The following DENND6B variants were observed in gnomAD, a reference collection of about 807,000 sequenced individuals.
DENND6B encodes protein DENND6B.
Under a neutral mutation model 85.1 loss-of-function variants are expected in DENND6B, and 73 were observed. The observed-to-expected ratio is 0.86, with a 90% confidence interval of 0.71 to 1.04. The LOEUF (loss-of-function observed/expected upper bound fraction) is 1.04, where lower values mean the gene tolerates loss of function less well. Among genes scored for constraint, DENND6B ranks in the 50% least tolerant of loss-of-function variants. The pLI, the probability that DENND6B is intolerant of heterozygous loss-of-function variation, is 0.00. For synonymous variants in DENND6B, 357 were observed against 329.3 expected (o/e 1.08, Z -0.91); for missense variants, 715 against 785.8 (o/e 0.91, Z 1.08).
In DENND6B at chr22:50,326,992, G is replaced by A; in HGVS notation, c.-4C>T. On this transcript the variant is annotated 5_prime_UTR_variant, in exon 1 of 20. Transcript: ENST00000413817. ...CTGTGCCCAACAGCGCGTCCATGGC[G>A]GCGGCCGCGGGTTGCCGGGGAAACG... 1.4e-5 allele frequency: 17 copies of A among 1,188,630 alleles called. No homozygotes were observed. Among genetic ancestry groups the A allele is most frequent in the Non-Finnish European group, 1.7e-5 (16 of 961,312 alleles). 73.6% of individuals were successfully genotyped at this position (1,188,630 alleles called of 1,614,324 possible). A position where few individuals can be genotyped will look rare whatever the true frequency, so the allele number is the denominator to read the frequency against.
At chr22:50,314,521 C>A in intron 11 of DENND6B, 27 bp from the exon 12 acceptor site, 1 of 1,554,686 alleles carries the variant, frequency 6.4e-7, no homozygotes, top group South Asian at 1.2e-5. Context: ...AGAGAAGAGG[C>A]AGAGACAGAG....
rs2068073335 is a variant in DENND6B, at chr22:50,312,247, G to A, written c.1650C>T (p.Gly550=). ...KLREKLVRAQ[G]HQLPVKEATL... The stretch of plus-strand genomic sequence containing the variant: ...TAGCCTCCTTCACAGGGAGCTGGTG[G>A]CCCTGAGCCCGCACCTGGAGGGGCA... Residue 550 remains glycine, a synonymous_variant, in exon 20 of 20, where the codon GGC becomes GGT. Transcript: ENST00000413817. The A allele has an allele frequency of 2.5e-6, 4 of 1,612,028 alleles. No individual in the cohort carries two copies. Among genetic ancestry groups the A allele is most frequent in the South Asian group, 1.1e-5 (1 of 90,984 alleles).
chr22:50,325,334 C>CTT (rs67536916), intron 1 of DENND6B, among the ~76,000 whole-genome samples: 64 of 123,710 alleles, frequency 5.2e-4, no homozygotes, highest in African/African-American at 1.0e-3. Context: ...GAGGAACCTC[C>CTT]TTTTTTTTTT....
chr22:50,312,431 CG>C lies in DENND6B; in HGVS notation c.1561-15del, dbSNP rs746060215. ...GGTCTCGATGTTCTGCAGGGCAAGA[CG>C]GGGTCTACTGTCAGCAAGGCCCCTC... On this transcript the variant is annotated splice_polypyrimidine_tract_variant and intron_variant, in intron 18 of 19. Transcript: ENST00000413817. 3.7e-6 allele frequency: 6 copies of C among 1,608,058 alleles called. No individual in the cohort carries two copies. In the Admixed American group the frequency reaches 5.0e-5, roughly 14 times the overall value.
Position 50,313,491 on chromosome 22 carries a change from G to C in DENND6B, c.1302C>G (p.Tyr434Ter). Residue 434 changes from tyrosine (Y) to a stop codon, truncating the protein, a stop_gained, in exon 16 of 20, where the codon TAC becomes TAG. Coordinates refer to ENST00000413817, the MANE Select transcript of DENND6B (RefSeq NM_001001794.4). LOFTEE classifies it high-confidence loss of function. ...TQSFIIPLEH[Y>*]MASLMPLQKS... The stretch of plus-strand genomic sequence containing the variant: ...TCTGCAGGGGCATGAGGCTGGCCAT[G>C]TAGTGCTCCTGGGTGGGGAAGGGAG... 6.4e-7 allele frequency: 1 copy of C among 1,552,246 alleles called. No homozygotes were observed. The highest frequency in any genetic ancestry group is 2.4e-5 in the East Asian group (1 of 41,506).
chr22:50,319,335 C>G, intron 1 of DENND6B: 1 of 985,404 alleles, frequency 1.0e-6, no homozygotes, highest in South Asian at 4.7e-5. Flanking sequence ...AGAGGCTTCT[C>G]TACTCCCACC....
At chr22:50,321,419 G>A (rs2042039542) in intron 1 of DENND6B, among the ~76,000 whole-genome samples, 1 of 152,232 alleles carries the variant, frequency 6.6e-6, no homozygotes, top group South Asian at 2.1e-4. Context: ...GGAGTGCACT[G>A]ACGTGATCTC....
chr22:50,314,398 A>G lies in DENND6B; in HGVS notation c.1072+2T>C, dbSNP rs1336867174. 7 of 1,563,760 alleles carry G rather than the reference A, an allele frequency of 4.5e-6. No individual in the cohort carries two copies. Among genetic ancestry groups the G allele is most frequent in the African/African-American group, 4.1e-5 (3 of 73,834 alleles). ...CCCCCTGCACCTCACCGGGAGCCTG[A>G]CCTGACATCTTGGGCTCCCCGACTC... On this transcript the variant is annotated splice_donor_variant, in intron 12 of 19. Transcript: ENST00000413817. LOFTEE classifies it high-confidence loss of function.
Position 50,326,818 on chromosome 22 carries a change from C to T in DENND6B, c.171G>A (p.Ala57=). 1 of 1,417,468 alleles carries T rather than the reference C, an allele frequency of 7.1e-7. No individual in the cohort carries two copies. The highest frequency in any genetic ancestry group is 1.4e-5 in the South Asian group (1 of 70,648). The allele number at this position is 1,417,468 out of a possible 1,614,324, so 87.8% of individuals were successfully genotyped here. The change falls in exon 1 of 20, where the codon GCG becomes GCA. Residue 57 remains alanine, a synonymous_variant. Transcript: ENST00000413817. ...CGCGCTCGCGCCCGCTCACCTCCAGCGCCTGGCCCAGCTCCAGGTCGAAGG... is the reference window on the plus strand; with the variant it reads ...CGCGCTCGCGCCCGCTCACCTCCAGTGCCTGGCCCAGCTCCAGGTCGAAGG... ...VVTFDLELGQ[A]LELVYPNDFR...
Position 50,313,111 on chromosome 22 carries a change from G to T in DENND6B, c.1348-3C>A. On this transcript the variant is annotated splice_polypyrimidine_tract_variant and splice_region_variant and intron_variant, in intron 16 of 19. Transcript: ENST00000413817. ...AAGGGCTGGATCTGGGGGGGAGTCT[G>T]AGAGGGGATGGGTGAGCCAGCACGT... is the stretch of plus-strand genomic sequence containing the variant. The T allele has an allele frequency of 6.4e-7, 1 of 1,552,738 alleles. No homozygotes were observed.
chr22:50,312,592 C>A lies in DENND6B; in HGVS notation c.1491G>T (p.Trp497Cys). 1 of 1,586,516 alleles carries A rather than the reference C, an allele frequency of 6.3e-7. No individual in the cohort carries two copies. The highest frequency in any genetic ancestry group is 8.6e-7 in the Non-Finnish European group (1 of 1,166,780). ...CCATCTCCTTGTGCCGCTGCCGGTACCAGCCATCAAAATGGGGGGACTTGA... is the reference window on the plus strand; with the variant it reads ...CCATCTCCTTGTGCCGCTGCCGGTAACAGCCATCAAAATGGGGGGACTTGA... ...RFFKSPHFDG[W>C]YRQRHKEMAL... The change falls in exon 18 of 20, where the codon TGG (tryptophan) becomes TGT (cysteine). Residue 497 changes from tryptophan to cysteine, a missense_variant. By Grantham distance (215) the Trp-to-Cys change is radical. Coordinates refer to ENST00000413817, the MANE Select transcript of DENND6B (RefSeq NM_001001794.4).
intron 5 of DENND6B, 160 bp downstream of exon 5, chr22:50,317,132 GT>G: frequency 1.6e-6 from 1 of 643,296 alleles, no homozygotes; most frequent in African/African-American, 2.0e-5. Flanking sequence ...CGAGGACAGG[GT>G]GGGGGGGCGG....
chr22:50,313,217 C>A, intron 16 of DENND6B, 109 bp from the exon 17 acceptor site: 24 of 1,221,754 alleles, frequency 2.0e-5, no homozygotes, highest in Non-Finnish European at 2.8e-5. Flanking sequence ...CCAGCCCCCA[C>A]CCTGCCTGGC....
At position 50,313,041 on chromosome 22, in the gene DENND6B, T is replaced by C. The variant is rs757154750; in HGVS notation, c.1415A>G (p.Gln472Arg). Reference sequence around the variant, plus strand: ...GTCGCCCTTGAGGATGCAGGTGAGCTGGGGCCCAGCATGCTCCAGGCTACG... The same window carrying C: ...GTCGCCCTTGAGGATGCAGGTGAGCCGGGGCCCAGCATGCTCCAGGCTACG... ...FLRSLEHAGP[Q>R]LTCILKGDWL... Residue 472 changes from glutamine to arginine, a missense_variant, in exon 17 of 20, where the codon CAG becomes CGG. By Grantham distance (43) the Gln-to-Arg change is conservative. Transcript: ENST00000413817. 81 of 1,562,754 alleles carry C rather than the reference T, an allele frequency of 5.2e-5. No homozygotes were observed. Among genetic ancestry groups the C allele is most frequent in the Non-Finnish European group, 6.8e-5 (79 of 1,154,458 alleles).
rs139295151 is a variant in DENND6B at position 50,316,583 on chromosome 22, T to C, written c.454-108A>G. ...ACGCTCACCTGGAGCTGGCCCAGGG[T>C]AGCACGTCCCACCAACTTCACAGGA... On this transcript the variant is annotated intron_variant, in intron 5 of 19. Coordinates refer to ENST00000413817, the MANE Select transcript of DENND6B (RefSeq NM_001001794.4). The C allele has an allele frequency of 8.8e-3, 13,608 of 1,542,774 alleles. 91 individuals carry two copies. Among genetic ancestry groups the C allele is most frequent in the South Asian group, 0.017 (1,443 of 83,288 alleles).
chr22:50,325,564 T>C (rs1480143350), intron 1 of DENND6B, among the ~76,000 whole-genome samples: 1 of 152,176 alleles, frequency 6.6e-6, no homozygotes, highest in African/African-American at 2.4e-5. Flanking sequence ...CTCAAACTGC[T>C]GACCTTGTGA....
rs1001404042 is a variant in DENND6B, at chr22:50,326,798, TCGCGCC to T, written c.177+8_177+13del. On this transcript the variant is annotated splice_region_variant and intron_variant, in intron 1 of 19. Coordinates refer to ENST00000413817, the MANE Select transcript of DENND6B (RefSeq NM_001001794.4). ...CCTGCCCACCCGCCCGCGCCCGCGC[TCGCGCC>T]CGCTCACCTCCAGCGCCTGGCCCAG... 6.8e-5 allele frequency: 93 copies of T among 1,368,638 alleles called. No homozygotes were observed. The African/African-American group carries it at 1.3e-3, about 19-fold the overall frequency. The allele number at this position is 1,368,638 out of a possible 1,614,324, so 84.8% of individuals were successfully genotyped here. A position where few individuals can be genotyped will look rare whatever the true frequency, so the allele number is the denominator to read the frequency against.
At chr22:50,315,850 A>G (rs1038842680) in intron 8 of DENND6B, 81 bp from the exon 9 acceptor site, 2 of 1,482,044 alleles carry the variant, frequency 1.3e-6, no homozygotes, top group Non-Finnish European at 1.8e-6. Context: ...CTCACAGCAC[A>G]GGGGAAGGTG....
At chr22:50,321,555 G>T (rs1193672761) in intron 1 of DENND6B, among the ~76,000 whole-genome samples, 1 of 151,572 alleles carries the variant, frequency 6.6e-6, no homozygotes, top group African/African-American at 2.4e-5. Context: ...GTAGAGACAG[G>T]GCTTCACCAT....
Sources: allele counts gnomAD v4.1 joint callset (sites outside exome capture counted in the v4.1 genomes callset), GRCh38; gene constraint gnomAD v4.1.1; transcripts MANE v1.5; gene names NCBI Gene and HGNC (gene_info 2026-07-23, HGNC 2026-07-21).